Variants in PTAFR observed in about 807,000 individuals in gnomAD.
PTAFR encodes the protein platelet-activating factor receptor.
Under a neutral mutation model 14.7 loss-of-function variants are expected in PTAFR, and 8 were observed. The ratio of observed to expected loss-of-function variants is 0.54; its 90% confidence interval spans 0.32 to 0.98. The LOEUF is 0.98. PTAFR is among the 50% of genes least tolerant of loss of function. The pLI, the probability that PTAFR is intolerant of heterozygous loss-of-function variation, is 0.04. For synonymous variants in PTAFR, 156 were observed against 176.5 expected, an observed-to-expected ratio of 0.88 and a Z score of 0.92; for missense variants, 337 against 451.2, an observed-to-expected ratio of 0.75 and a Z score of 2.29.
At chr1:28,156,613 A>T (rs1646266341) in intron 1 of PTAFR, among the ~76,000 whole-genome samples, 1 of 152,192 alleles carries the variant, frequency 6.6e-6, no homozygotes, top group Non-Finnish European at 1.5e-5. Context: ...TTTCATTTTT[A>T]ATACAATATT....
At chr1:28,181,752 A>AAAAT (rs151336206) in intron 1 of PTAFR, among the ~76,000 whole-genome samples, 2,630 of 152,062 alleles carry the variant, frequency 0.017, 78 homozygotes, top group African/African-American at 0.061. Context: ...CAAAAAAATA[A>AAAAT]AAATAAATAA....
chr1:28,163,843 A>G (rs1056731167), intron 1 of PTAFR, among the ~76,000 whole-genome samples: 5 of 152,190 alleles, frequency 3.3e-5, no homozygotes, highest in Non-Finnish European at 7.3e-5. Flanking sequence ...CAAAGCTTTC[A>G]ACAGCTCAGG....
At chr1:28,192,275 TG>T (rs1462799301) in intron 1 of PTAFR, among the ~76,000 whole-genome samples, 1 of 152,070 alleles carries the variant, frequency 6.6e-6, no homozygotes, top group East Asian at 1.9e-4. Context: ...AGATAATACT[TG>T]TGGCCGGGCG....
chr1:28,176,950 G>A (rs1646522018), upstream of PTAFR: 1 of 152,616 alleles, frequency 6.6e-6, no homozygotes, highest in Admixed American at 6.5e-5. Context: ...ATGAGAGTGA[G>A]AAAGAGGAGG....
chr1:28,167,981 T>G (rs1409636376), intron 1 of PTAFR, among the ~76,000 whole-genome samples: 2 of 104,156 alleles, frequency 1.9e-5, no homozygotes, highest in African/African-American at 7.8e-5. Context: ...TTTTTTGAGA[T>G]GGAGTCTCGC....
upstream of PTAFR, chr1:28,177,094 G>A (rs750848958): frequency 2.0e-5 from 3 of 152,472 alleles, no homozygotes; most frequent in Non-Finnish European, 2.9e-5. Flanking sequence ...TAAACACCGG[G>A]AGAGATGAGA....
At chr1:28,185,903 A>T (rs1402082247) in intron 1 of PTAFR, among the ~76,000 whole-genome samples, 2 of 152,184 alleles carry the variant, frequency 1.3e-5, no homozygotes, top group African/African-American at 4.8e-5. Context: ...AGAAAATGAC[A>T]TTATTAAGAA....
intron 1 of PTAFR, among the ~76,000 whole-genome samples, chr1:28,153,978 C>T (rs983441542): frequency 6.0e-5 from 9 of 150,116 alleles, no homozygotes; most frequent in African/African-American, 1.5e-4. Flanking sequence ...CGCTGGAGCC[C>T]GGGAGGCAGA....
At chr1:28,180,868 T>G (rs991784432), upstream of PTAFR, among the ~76,000 whole-genome samples, 3 of 150,760 alleles carry the variant, frequency 2.0e-5, no homozygotes, top group Admixed American at 6.6e-5. Flanking sequence ...TAAAGAAGGA[T>G]GGATACAGAG....
chr1:28,178,604 G>C (rs993513951), upstream of PTAFR, among the ~76,000 whole-genome samples: 1 of 151,970 alleles, frequency 6.6e-6, no homozygotes, highest in Non-Finnish European at 1.5e-5. Context: ...TGTAGAACTA[G>C]AGCCAAGCAT....
rs1646136633 is a variant in PTAFR at position 28,148,124 on chromosome 1, G to A, written c.*1869C>T. 6.6e-6 allele frequency: 1 copy of A among 152,242 alleles called. No individual in the cohort carries two copies. Among genetic ancestry groups the A allele is most frequent in the Non-Finnish European group, 1.5e-5 (1 of 68,046 alleles). The allele number at this position is 152,242 out of a possible 1,614,324, so 9.4% of individuals were successfully genotyped here. A position where few individuals can be genotyped will look rare whatever the true frequency, so the allele number is the denominator to read the frequency against. ...TTCTCTGAAGGAGCACAGAGCTCTAGAAACCAGAGAAGTTTCCTCTGAGCC... is the reference window on the plus strand; with the variant it reads ...TTCTCTGAAGGAGCACAGAGCTCTAAAAACCAGAGAAGTTTCCTCTGAGCC... On this transcript the variant is annotated 3_prime_UTR_variant, in exon 2 of 2. Coordinates refer to ENST00000373857, the MANE Select transcript of PTAFR (RefSeq NM_000952.5).
Position 28,148,807 on chromosome 1 carries a change from G to A in PTAFR, c.*1186C>T, listed in dbSNP as rs1456548845. 2.6e-5 allele frequency: 4 copies of A among 152,314 alleles called. No individual in the cohort carries two copies. The highest frequency in any genetic ancestry group is 9.6e-5 in the African/African-American group (4 of 41,454). 9.4% of individuals were successfully genotyped at this position (152,314 alleles called of 1,614,324 possible). ...TCACCACGTTGGCCAGGCTGGTCTC[G>A]AACTCCGGACCTCAGGTGATCTGCC... On this transcript the variant is annotated 3_prime_UTR_variant, in exon 2 of 2. Transcript: ENST00000373857.
intron 1 of PTAFR, among the ~76,000 whole-genome samples, chr1:28,154,004 A>C (rs1410017267): frequency 7.0e-6 from 1 of 142,500 alleles, no homozygotes; most frequent in South Asian, 2.4e-4. Flanking sequence ...CAGTGAGCGG[A>C]GATTGTGCCA....
At chr1:28,152,466 G>A (rs376003791) in intron 1 of PTAFR, among the ~76,000 whole-genome samples, 4 of 152,188 alleles carry the variant, frequency 2.6e-5, no homozygotes, top group East Asian at 1.9e-4. Context: ...AGCTGGGTGT[G>A]GTGTTGTATG....
In PTAFR at chr1:28,150,025, T is replaced by A; in HGVS notation, c.997A>T (p.Asn333Tyr). 1.2e-6 allele frequency: 2 copies of A among 1,613,764 alleles called. No homozygotes were observed. The highest frequency in any genetic ancestry group is 2.2e-5 in the South Asian group (2 of 91,056). Reference protein sequence around the residue: ...DTVTEVVVPFNQIPGNSLKN With the variant: ...DTVTEVVVPFYQIPGNSLKN ...TTGAGGGAATTGCCAGGGATCTGGT[T>A]GAATGGCACAACCACTTCAGTGACC... The change falls in exon 2 of 2, where the codon AAC (asparagine) becomes TAC (tyrosine). Residue 333 changes from asparagine to tyrosine, a missense_variant. Transcript: ENST00000373857. The surrounding 1 kb of genome is among the most constrained non-coding windows in gnomAD (Gnocchi z 6.3).
At chr1:28,153,803 G>A (rs893533588) in intron 1 of PTAFR, among the ~76,000 whole-genome samples, 3 of 151,900 alleles carry the variant, frequency 2.0e-5, no homozygotes, top group Admixed American at 6.6e-5. Flanking sequence ...CAGGAGAATC[G>A]CTTAAACCCG....
chr1:28,191,771 A>T lies in PTAFR; in HGVS notation c.-39+1951T>A, dbSNP rs1235315103. Among the ~76,000 whole-genome samples, 5 of 151,716 alleles carry T rather than the reference A, an allele frequency of 3.3e-5. No individual in the cohort carries two copies. The East Asian group carries it at 9.6e-4, about 29-fold the overall frequency. On this transcript the variant is annotated intron_variant, in intron 1 of 1. Transcript: ENST00000305392. ...CTCTCTCTTTTTTTTTTTTAATTAA[A>T]AAAAAAAGAGGCCAGGTGTGGTAGC...
At chr1:28,181,779 C>A (rs1324612372) in intron 1 of PTAFR, among the ~76,000 whole-genome samples, 1 of 151,372 alleles carries the variant, frequency 6.6e-6, no homozygotes, top group East Asian at 1.9e-4. Flanking sequence ...AAATTCTAAA[C>A]AAGAAAAAAA....
intron 1 of PTAFR, among the ~76,000 whole-genome samples, chr1:28,175,034 C>A (rs990862638): frequency 8.5e-5 from 13 of 152,162 alleles, no homozygotes; most frequent in African/African-American, 2.7e-4. Flanking sequence ...TCAAGCAATT[C>A]TCCTGCCTCA....
Sources: gnomAD v4.1 joint callset for allele counts (sites outside exome capture counted in the v4.1 genomes callset) on GRCh38, gnomAD v4.1.1 for gene constraint, Gnocchi (gnomAD v3.1) non-coding constraint, MANE v1.5 for transcripts, NCBI Gene and HGNC (gene_info 2026-07-23, HGNC 2026-07-21) for gene names.